The following CAPN5 variants were observed in gnomAD, a reference collection of about 807,000 sequenced individuals.
CAPN5 encodes the protein calpain 5, also known as calpain-5.
Under a neutral mutation model 73.0 loss-of-function variants are expected in CAPN5, and 54 were observed. The observed-to-expected ratio is 0.74, with a 90% CI of 0.59 to 0.93. The LOEUF (loss-of-function observed/expected upper bound fraction) is 0.93. Ranked by LOEUF, CAPN5 falls within the 40% of genes least tolerant of loss-of-function variation. The pLI is 0.00. For synonymous variants in CAPN5, 335 were observed against 356.9 expected (o/e 0.94, Z 0.69); for missense variants, 785 against 882.9 (o/e 0.89, Z 1.41).
At chr11:77,077,716 T>C (rs1437705755) in intron 1 of CAPN5, among the ~76,000 whole-genome samples, 1 of 152,094 alleles carries the variant, frequency 6.6e-6, no homozygotes, top group African/African-American at 2.4e-5. Flanking sequence ...GGTTTCGCCA[T>C]GTTGAGCAGG....
At chr11:77,074,849 G>C (rs1268231467) in intron 1 of CAPN5, among the ~76,000 whole-genome samples, 2 of 152,162 alleles carry the variant, frequency 1.3e-5, no homozygotes, top group African/African-American at 4.8e-5. Flanking sequence ...CCCTCAGCAG[G>C]CATTCCTGCA....
In CAPN5 at chr11:77,093,758, G is replaced by T; in HGVS notation, c.242G>T (p.Cys81Phe). The change falls in exon 3 of 13, where the codon TGC becomes TTC. Residue 81 changes from cysteine (C) to phenylalanine (F), a missense_variant. Coordinates refer to ENST00000648180, the MANE Select transcript of CAPN5 (RefSeq NM_004055.5). ...HDLHQGQVGNCWFVAACSSLA... is the reference protein window; with the variant it reads ...HDLHQGQVGNFWFVAACSSLA... Reference sequence around the variant, plus strand: ...CTGCACCAGGGCCAGGTGGGCAACTGCTGGTTTGTGGCAGCCTGCTCGTCA... The same window carrying T: ...CTGCACCAGGGCCAGGTGGGCAACTTCTGGTTTGTGGCAGCCTGCTCGTCA... 6.2e-7 allele frequency: 1 copy of T among 1,612,358 alleles called. No individual in the cohort carries two copies. Among genetic ancestry groups the T allele is most frequent in the East Asian group, 2.2e-5 (1 of 44,882 alleles).
chr11:77,094,804 G>A (rs1445214716), intron 3 of CAPN5, among the ~76,000 whole-genome samples: 2 of 152,254 alleles, frequency 1.3e-5, no homozygotes, highest in Non-Finnish European at 2.9e-5. Context: ...CATGCCTTGT[G>A]CGGCATCGTG....
chr11:77,113,968 C>G (rs528660045), intron 4 of CAPN5, among the ~76,000 whole-genome samples: 1 of 152,200 alleles, frequency 6.6e-6, no homozygotes, highest in South Asian at 2.1e-4. Context: ...TCCCCTCCCC[C>G]TGACCATTGT....
chr11:77,085,517 G>A (rs1354483599), intron 2 of CAPN5, among the ~76,000 whole-genome samples: 2 of 152,142 alleles, frequency 1.3e-5, no homozygotes, highest in Non-Finnish European at 2.9e-5. Flanking sequence ...AATAATAATT[G>A]TAAAAAGATA....
chr11:77,086,793 G>A (rs535238167), intron 2 of CAPN5, among the ~76,000 whole-genome samples: 5 of 152,344 alleles, frequency 3.3e-5, no homozygotes, highest in East Asian at 3.9e-4. Context: ...CCGTGGCTCC[G>A]AAAAGAGGCT....
At chr11:77,089,732 G>A (rs1950129581) in intron 2 of CAPN5, among the ~76,000 whole-genome samples, 1 of 152,198 alleles carries the variant, frequency 6.6e-6, no homozygotes, top group African/African-American at 2.4e-5. Flanking sequence ...AATTAGCTGG[G>A]TGTTGGTGGC....
At chr11:77,083,181 G>A (rs1451030504) in intron 1 of CAPN5, among the ~76,000 whole-genome samples, 1 of 152,200 alleles carries the variant, frequency 6.6e-6, no homozygotes, top group East Asian at 1.9e-4. Flanking sequence ...GGCCCAGTAT[G>A]GATATGGGGG....
chr11:77,103,460 CCT>C (rs1423195983), intron 3 of CAPN5: 1 of 1,111,374 alleles, frequency 9.0e-7, no homozygotes, highest in Non-Finnish European at 1.3e-6. Context: ...CCAGAGGCCC[CCT>C]GAGTCCCACA....
intron 3 of CAPN5, among the ~76,000 whole-genome samples, chr11:77,097,585 G>A (rs1950225951): frequency 8.3e-6 from 1 of 120,834 alleles, no homozygotes; most frequent in South Asian, 3.6e-4. Flanking sequence ...GTGAACAAAG[G>A]TCTCTGGTTT....
At chr11:77,083,014 C>G (rs952534881) in intron 1 of CAPN5, among the ~76,000 whole-genome samples, 1 of 152,204 alleles carries the variant, frequency 6.6e-6, no homozygotes, top group Non-Finnish European at 1.5e-5. Context: ...AAGCCTGAAG[C>G]CCGGAAGCTG....
At chr11:77,082,741 T>C (rs782284331) in intron 1 of CAPN5, among the ~76,000 whole-genome samples, 3 of 151,866 alleles carry the variant, frequency 2.0e-5, no homozygotes, top group Non-Finnish European at 4.4e-5. Context: ...TCCCCAGGAG[T>C]GGACCCTCCC....
intron 3 of CAPN5, among the ~76,000 whole-genome samples, chr11:77,109,971 G>C (rs531477202): frequency 2.0e-5 from 3 of 152,194 alleles, no homozygotes; most frequent in Non-Finnish European, 1.5e-5. Flanking sequence ...GCAGAAGGAG[G>C]GGGTGAAGGT....
chr11:77,107,748 G>C (rs191784793), intron 3 of CAPN5, among the ~76,000 whole-genome samples: 1 of 152,212 alleles, frequency 6.6e-6, no homozygotes, highest in Non-Finnish European at 1.5e-5. Context: ...GCCAGTCCTT[G>C]CCTTGCTGCC....
At chr11:77,102,744 A>G (rs1950298779) in intron 3 of CAPN5, 2 of 1,387,952 alleles carry the variant, frequency 1.4e-6, no homozygotes, top group African/African-American at 2.9e-5. Flanking sequence ...AAGGGCAGAA[A>G]GTAGGTGGGG....
At chr11:77,111,911 G>A (rs1384457324) in intron 3 of CAPN5, among the ~76,000 whole-genome samples, 1 of 152,054 alleles carries the variant, frequency 6.6e-6, no homozygotes, top group Non-Finnish European at 1.5e-5. Context: ...GTAATGAGGA[G>A]AAGGAAGAAC....
intron 3 of CAPN5, 69 bp from the exon 4 acceptor site, chr11:77,112,520 C>T: frequency 2.4e-6 from 3 of 1,226,984 alleles, no homozygotes; most frequent in Non-Finnish European, 3.6e-6. Context: ...GCACACGCCC[C>T]CATTTCCTCA....
rs199875193 is a variant in CAPN5, at chr11:77,093,780, G to C, written c.264G>C (p.Ser88=). 1 of 1,611,914 alleles carries C rather than the reference G, an allele frequency of 6.2e-7. No homozygotes were observed. The highest frequency in any genetic ancestry group is 2.2e-5 in the East Asian group (1 of 44,866). Residue 88 remains serine, a synonymous_variant, in exon 3 of 13, where the codon TCG becomes TCC. Transcript: ENST00000648180. The part of the protein sequence containing the change: ...VGNCWFVAAC[S]SLASRESLWQ... Reference sequence around the variant, plus strand: ...ACTGCTGGTTTGTGGCAGCCTGCTCGTCACTTGCCTCCCGGGAGTCGCTGT... The same window carrying C: ...ACTGCTGGTTTGTGGCAGCCTGCTCCTCACTTGCCTCCCGGGAGTCGCTGT...
chr11:77,110,619 C>G (rs1044006863), intron 3 of CAPN5, among the ~76,000 whole-genome samples: 27 of 152,374 alleles, frequency 1.8e-4, no homozygotes, highest in African/African-American at 6.3e-4. Context: ...AAAGCCTGTC[C>G]TGAGGCTCAG....
Sources: allele counts gnomAD v4.1 joint callset (sites outside exome capture counted in the v4.1 genomes callset), GRCh38; gene constraint gnomAD v4.1.1; transcripts MANE v1.5; gene names NCBI Gene and HGNC (gene_info 2026-07-23, HGNC 2026-07-21).